The following CLIC6 variants were observed in gnomAD, a reference collection of about 807,000 sequenced individuals.
CLIC6 encodes the protein CLIC family member 6.
In CLIC6, 39 loss-of-function variants were observed where a neutral mutation model predicts 49.2. The ratio of observed to expected loss-of-function variants is 0.79; its 90% CI spans 0.61 to 1.04. The LOEUF is 1.04. Among genes scored for constraint, CLIC6 ranks in the 50% least tolerant of loss-of-function variants. The pLI is 0.00. For synonymous variants in CLIC6, 446 were observed against 433.4 expected, an observed-to-expected ratio of 1.03 and a Z score of -0.36; for missense variants, 988 against 993.1, an observed-to-expected ratio of 0.99 and a Z score of 0.07.
intron 4 of CLIC6, 36 bp from the exon 5 acceptor site, chr21:34,709,321 A>G (rs1217319285): frequency 6.3e-7 from 1 of 1,587,618 alleles, no homozygotes; most frequent in East Asian, 2.2e-5. Context: ...TGCACTTGCA[A>G]ACCTCTCTTT....
chr21:34,693,944 CTGTTGT>C (rs568954883), intron 1 of CLIC6, among the ~76,000 whole-genome samples: 63 of 147,812 alleles, frequency 4.3e-4, no homozygotes, highest in African/African-American at 7.4e-4. Flanking sequence ...CTTATGAGAT[CTGTTGT>C]TGTTGTTGTT....
At chr21:34,672,014 AT>A (rs1300975094) in intron 1 of CLIC6, among the ~76,000 whole-genome samples, 1 of 152,096 alleles carries the variant, frequency 6.6e-6, no homozygotes, top group Non-Finnish European at 1.5e-5. Flanking sequence ...GCTCCTCTCC[AT>A]CACCTTGGTT....
intron 1 of CLIC6, 36 bp from the exon 2 acceptor site, chr21:34,707,244 A>T: frequency 6.8e-7 from 1 of 1,481,000 alleles, no homozygotes; most frequent in Non-Finnish European, 9.4e-7. Flanking sequence ...TAATTGTGAG[A>T]CTGGCTCAGA....
Position 34,708,723 on chromosome 21 carries a change from A to G in CLIC6, c.1634A>G (p.His545Arg), listed in dbSNP as rs150066189. The G allele has an allele frequency of 1.9e-5, 31 of 1,614,150 alleles. No homozygotes were observed. The African/African-American group carries it at 3.9e-4, about 20-fold the overall frequency. ...AGGTATCCCAAGCTGGGGACCCAAC[A>G]TCCCGAATCTAATTCCGCAGGAAAT... ...PPRYPKLGTQ[H>R]PESNSAGNDV... Residue 545 changes from histidine to arginine, a missense_variant, in exon 4 of 6, where the codon CAT becomes CGT. By Grantham distance (29) the His-to-Arg change is conservative. Coordinates refer to ENST00000349499, the MANE Select transcript of CLIC6 (RefSeq NM_053277.3).
intron 1 of CLIC6, among the ~76,000 whole-genome samples, chr21:34,696,958 A>G (rs36041034): frequency 0.41 from 61,773 of 151,870 alleles, 14,224 homozygotes; most frequent in African/African-American, 0.63. Context: ...CCGTTCAGGT[A>G]CACAGGGCAC....
intron 1 of CLIC6, among the ~76,000 whole-genome samples, chr21:34,687,590 A>G (rs1430088760): frequency 2.0e-5 from 3 of 152,248 alleles, no homozygotes; most frequent in Non-Finnish European, 2.9e-5. Context: ...GAACACTAAC[A>G]TAATTAAGCC....
At chr21:34,695,028 C>T (rs1185542007) in intron 1 of CLIC6, among the ~76,000 whole-genome samples, 2 of 152,194 alleles carry the variant, frequency 1.3e-5, no homozygotes, top group Non-Finnish European at 2.9e-5. Context: ...CAAATTACAC[C>T]ACAAGCTTGG....
At chr21:34,706,371 C>A (rs536749088) in intron 1 of CLIC6, among the ~76,000 whole-genome samples, 1 of 152,326 alleles carries the variant, frequency 6.6e-6, no homozygotes, top group Non-Finnish European at 1.5e-5. Flanking sequence ...AATCCACCCC[C>A]CGACCCAATC....
intron 1 of CLIC6, 148 bp downstream of exon 1, chr21:34,670,910 C>T: frequency 1.1e-6 from 1 of 932,908 alleles, no homozygotes; most frequent in Non-Finnish European, 1.5e-6. Flanking sequence ...GTAGGCGGGA[C>T]AGCCGGGATT....
Position 34,717,730 on chromosome 21 carries a change from A to G in CLIC6, c.*1248A>G, listed in dbSNP as rs903100990. On this transcript the variant is annotated 3_prime_UTR_variant, in exon 6 of 6. Coordinates refer to ENST00000349499, the MANE Select transcript of CLIC6 (RefSeq NM_053277.3). ...ATCAGCCAGAATGTGTTCTTCGGAC[A>G]GTCGTACACATCTTACAGAAAACCC... 1 of 152,246 alleles carries G rather than the reference A, an allele frequency of 6.6e-6. No individual in the cohort carries two copies. Among genetic ancestry groups the G allele is most frequent in the African/African-American group, 2.4e-5 (1 of 41,468 alleles). The allele number at this position is 152,246 out of a possible 1,614,324, so 9.4% of individuals were successfully genotyped here. A position where few individuals can be genotyped will look rare whatever the true frequency, so the allele number is the denominator to read the frequency against.
intron 1 of CLIC6, among the ~76,000 whole-genome samples, chr21:34,704,849 C>G (rs752124593): frequency 1.2e-4 from 18 of 152,160 alleles, no homozygotes; most frequent in Non-Finnish European, 2.2e-4. Flanking sequence ...AGAGACCGAG[C>G]AGGCGGAGAG....
chr21:34,707,540 C>A, intron 2 of CLIC6, 151 bp downstream of exon 2: 1 of 647,182 alleles, frequency 1.5e-6, no homozygotes, highest in Non-Finnish European at 2.7e-6. Context: ...CACATGTGGG[C>A]CAAGCAGTCA....
chr21:34,707,224 T>C, intron 1 of CLIC6, 56 bp from the exon 2 acceptor site: 1 of 1,283,408 alleles, frequency 7.8e-7, no homozygotes. Flanking sequence ...TGTTGTGGTG[T>C]TGGCACTTAT....
chr21:34,682,801 A>ATTTTT (rs1172251761), intron 1 of CLIC6, among the ~76,000 whole-genome samples: 19 of 69,272 alleles, frequency 2.7e-4, no homozygotes, highest in Admixed American at 4.7e-4. Flanking sequence ...CTTTCCCTCC[A>ATTTTT]TTTTTTTTTT....
At chr21:34,670,798 C>A in intron 1 of CLIC6, 36 bp downstream of exon 1, 1 of 1,571,308 alleles carries the variant, frequency 6.4e-7, no homozygotes, top group Non-Finnish European at 8.6e-7. Context: ...AGGACGACCC[C>A]CTTCCATTCG....
At chr21:34,699,440 T>C (rs1990147855) in intron 1 of CLIC6, among the ~76,000 whole-genome samples, 1 of 151,256 alleles carries the variant, frequency 6.6e-6, no homozygotes, top group South Asian at 2.1e-4. Flanking sequence ...TTTTTTTAAT[T>C]TTTGGTAGAG....
chr21:34,703,092 TC>T (rs1417001837), intron 1 of CLIC6, among the ~76,000 whole-genome samples: 4 of 152,174 alleles, frequency 2.6e-5, no homozygotes, highest in African/African-American at 9.7e-5. Context: ...AGACGCCATG[TC>T]TTTCTCCTGG....
intron 1 of CLIC6, among the ~76,000 whole-genome samples, chr21:34,690,687 A>G (rs717579): frequency 0.23 from 35,511 of 151,846 alleles, 4,757 homozygotes; most frequent in African/African-American, 0.37. Context: ...ACTGAGCACA[A>G]CTGCCCCCTT....
chr21:34,681,240 A>G (rs188794686), intron 1 of CLIC6, among the ~76,000 whole-genome samples: 8 of 152,360 alleles, frequency 5.3e-5, no homozygotes, highest in African/African-American at 1.9e-4. Context: ...GGCGGAAGCC[A>G]TTTATAAAGC....
Sources: gnomAD v4.1 joint callset for allele counts (sites outside exome capture counted in the v4.1 genomes callset) on GRCh38, gnomAD v4.1.1 for gene constraint, MANE v1.5 for transcripts, NCBI Gene and HGNC (gene_info 2026-07-23, HGNC 2026-07-21) for gene names.